The following FAM135A variants were observed in gnomAD, a reference collection of about 807,000 sequenced individuals.
The protein encoded by FAM135A is family with sequence similarity 135 member A, also known as protein FAM135A.
A neutral mutation model predicts 146.8 loss-of-function variants in FAM135A; 79 were observed. That is an observed-to-expected ratio of 0.54 (90% CI 0.45 to 0.65). FAM135A has a LOEUF of 0.65. Among genes scored for constraint, FAM135A ranks in the 30% least tolerant of loss-of-function variants. FAM135A has a pLI of 0.00. For synonymous variants in FAM135A, 562 were observed against 603.6 expected (o/e 0.93, Z 1.01); for missense variants, 1,623 against 1,758.2 (o/e 0.92, Z 1.38).
In FAM135A at chr6:70,533,835, C is replaced by CT. The variant is rs760676382; in HGVS notation, c.3947dup (p.Thr1317AsnfsTer27). The CT allele has an allele frequency of 6.6e-7, 1 of 1,514,158 alleles. No individual in the cohort carries two copies. The highest frequency in any genetic ancestry group is 8.9e-7 in the Non-Finnish European group (1 of 1,125,202). The allele number at this position is 1,514,158 out of a possible 1,614,324, so 93.8% of individuals were successfully genotyped here. A position where few individuals can be genotyped will look rare whatever the true frequency, so the allele number is the denominator to read the frequency against. On this transcript the variant is annotated frameshift_variant, in exon 18 of 22. Coordinates refer to ENST00000418814, the MANE Select transcript of FAM135A (RefSeq NM_001162529.3). LOFTEE classifies it high-confidence loss of function. ...AATACAGTATATTCAGATATATAGT[C>CT]TAACAGTCTCAAAAATAAGGTATCT...
intron 4 of FAM135A, among the ~76,000 whole-genome samples, chr6:70,439,696 G>A (rs1774019369): frequency 6.6e-6 from 1 of 152,052 alleles, no homozygotes. Context: ...TTTGTTTCAT[G>A]TTCTGATCTC....
chr6:70,443,747 C>CT (rs947431598), intron 4 of FAM135A, among the ~76,000 whole-genome samples: 5 of 151,732 alleles, frequency 3.3e-5, no homozygotes, highest in African/African-American at 4.8e-5. Flanking sequence ...TTAATCATAC[C>CT]TTTTTTTTCA....
At chr6:70,536,013 G>A in intron 18 of FAM135A, 1 of 330,162 alleles carries the variant, frequency 3.0e-6, no homozygotes, top group Non-Finnish European at 5.4e-6. Flanking sequence ...CAAACTATGA[G>A]TAAAAGTTTT....
At chr6:70,479,658 CT>C (rs1783335995) in intron 8 of FAM135A, among the ~76,000 whole-genome samples, 1 of 152,098 alleles carries the variant, frequency 6.6e-6, no homozygotes, top group Non-Finnish European at 1.5e-5. Flanking sequence ...ACTCTATATT[CT>C]TCAACAGGTT....
chr6:70,536,337 A>G lies in FAM135A; in HGVS notation c.4043A>G (p.Lys1348Arg). 5 of 1,613,550 alleles carry G rather than the reference A, an allele frequency of 3.1e-6. No individual in the cohort carries two copies. Among genetic ancestry groups the G allele is most frequent in the Non-Finnish European group, 2.5e-6 (3 of 1,179,732 alleles). ...CCAAGGTTTAAATATTACCTCAACA[A>G]ACTTCATACCTTTCTGTCTCTTTCT... Reference protein sequence around the residue: ...TRPRFKYYLNKLHTFLSLSGP... With the variant: ...TRPRFKYYLNRLHTFLSLSGP... The change falls in exon 19 of 22, where the codon AAA (lysine) becomes AGA (arginine). Residue 1348 changes from lysine (K) to arginine (R), a missense_variant. Lys to Arg is a conservative substitution (Grantham distance 26). Coordinates refer to ENST00000418814, the MANE Select transcript of FAM135A (RefSeq NM_001162529.3).
rs12332812 is a variant in FAM135A, at chr6:70,414,044, C to T, written c.-220+342C>T. 4,818 of 985,682 alleles carry T rather than the reference C, an allele frequency of 4.9e-3. 166 individuals carry two copies. In the African/African-American group the frequency reaches 0.078, roughly 16 times the overall value. The allele number at this position is 985,682 out of a possible 1,614,324, so 61.1% of individuals were successfully genotyped here. On this transcript the variant is annotated intron_variant, in intron 1 of 21. Coordinates refer to ENST00000418814, the MANE Select transcript of FAM135A (RefSeq NM_001162529.3). ...CCCTTCACCCCTGCTCCATCTTCGT[C>T]GCTCTGTCCCTCCTTTACCCGCTTT...
chr6:70,522,740 T>G (rs1793889791), intron 13 of FAM135A, among the ~76,000 whole-genome samples, 154 bp downstream of exon 13: 1 of 152,190 alleles, frequency 6.6e-6, no homozygotes, highest in African/African-American at 2.4e-5. Context: ...TCAAATTGTT[T>G]CATCTTATTA....
chr6:70,495,339 A>G (rs1786977325), intron 11 of FAM135A, among the ~76,000 whole-genome samples: 1 of 152,202 alleles, frequency 6.6e-6, no homozygotes, highest in South Asian at 2.1e-4. Flanking sequence ...TCATTCACTC[A>G]TTTATTCACT....
intron 2 of FAM135A, among the ~76,000 whole-genome samples, chr6:70,424,457 C>T (rs1345818457): frequency 6.6e-6 from 1 of 152,214 alleles, no homozygotes; most frequent in Non-Finnish European, 1.5e-5. Context: ...ATGCACCCAA[C>T]ATCTTTTGAT....
intron 8 of FAM135A, among the ~76,000 whole-genome samples, chr6:70,478,022 G>T (rs1782958148): frequency 6.6e-6 from 1 of 152,056 alleles, no homozygotes; most frequent in Non-Finnish European, 1.5e-5. Context: ...AAAAGTATGT[G>T]AATTTTTTCT....
At chr6:70,487,470 A>G (rs1784912986) in intron 10 of FAM135A, among the ~76,000 whole-genome samples, 1 of 152,172 alleles carries the variant, frequency 6.6e-6, no homozygotes, top group Non-Finnish European at 1.5e-5. Context: ...TTATTTCCCA[A>G]TTTTCAGAGG....
intron 5 of FAM135A, among the ~76,000 whole-genome samples, chr6:70,465,510 C>T (rs1780281041): frequency 2.0e-5 from 3 of 152,120 alleles, no homozygotes; most frequent in Admixed American, 2.0e-4. Flanking sequence ...CCCTCGACCT[C>T]TTGAGCTTAA....
chr6:70,492,351 G>A (rs540670344), intron 11 of FAM135A, among the ~76,000 whole-genome samples: 5 of 151,738 alleles, frequency 3.3e-5, no homozygotes, highest in Admixed American at 6.6e-5. Flanking sequence ...GAAGACTTAA[G>A]TGTCCAAAGA....
chr6:70,478,928 T>C (rs997703309), intron 8 of FAM135A, among the ~76,000 whole-genome samples: 1 of 152,172 alleles, frequency 6.6e-6, no homozygotes, highest in South Asian at 2.1e-4. Flanking sequence ...CAAAGTGTGT[T>C]TTTTGAAATA....
At chr6:70,508,729 G>A (rs948233300) in intron 12 of FAM135A, among the ~76,000 whole-genome samples, 11 of 152,220 alleles carry the variant, frequency 7.2e-5, no homozygotes, top group African/African-American at 2.6e-4. Flanking sequence ...TATAAATAAA[G>A]ATCCTGAAGC....
At chr6:70,454,400 T>A (rs1442171183) in intron 5 of FAM135A, among the ~76,000 whole-genome samples, 1 of 152,226 alleles carries the variant, frequency 6.6e-6, no homozygotes, top group Non-Finnish European at 1.5e-5. Context: ...GTGCAGAAGC[T>A]CTTTAGTTTA....
At chr6:70,457,078 A>G (rs935905756) in intron 5 of FAM135A, among the ~76,000 whole-genome samples, 3 of 152,232 alleles carry the variant, frequency 2.0e-5, no homozygotes, top group Non-Finnish European at 4.4e-5. Flanking sequence ...GATAACTCAG[A>G]GTGGATGCTG....
At chr6:70,541,969 C>T (rs1798008846) in intron 20 of FAM135A, among the ~76,000 whole-genome samples, 1 of 152,144 alleles carries the variant, frequency 6.6e-6, no homozygotes, top group Non-Finnish European at 1.5e-5. Flanking sequence ...TTGCCACTGC[C>T]TTAGTTTAGC....
rs1774593205 is a variant in FAM135A, at chr6:70,441,933, T to C, written c.78-10559T>C. 2.0e-5 allele frequency among the ~76,000 whole-genome samples: 3 copies of C among 152,170 alleles called. No homozygotes were observed. In the South Asian group the frequency reaches 6.2e-4, roughly 32 times the overall value. ...CTCCTGACCTCGTGATCCACCTGCC[T>C]TGGCCTCCCAAAGTGCTGGGATTAC... On this transcript the variant is annotated intron_variant, in intron 4 of 21. Transcript: ENST00000418814.
Sources: gnomAD v4.1 joint callset for allele counts (sites outside exome capture counted in the v4.1 genomes callset) on GRCh38, gnomAD v4.1.1 for gene constraint, MANE v1.5 for transcripts, NCBI Gene and HGNC (gene_info 2026-07-23, HGNC 2026-07-21) for gene names.